RSU1: variants seen among roughly 807,000 people sequenced by gnomAD.
The protein encoded by RSU1 is Ras suppressor protein 1.
RSU1 carries 26 observed loss-of-function variants against 31.1 expected under a neutral mutation model. The observed-to-expected ratio is 0.84, with a 90% confidence interval of 0.61 to 1.16. RSU1 has a LOEUF of 1.16. Ranked by LOEUF, RSU1 falls within the 50% of genes most tolerant of loss-of-function variation. The pLI is 0.00. For synonymous variants in RSU1, 164 were observed against 136.3 expected (o/e 1.20, Z -1.41); for missense variants, 320 against 339.1 (o/e 0.94, Z 0.44).
intron 8 of RSU1, among the ~76,000 whole-genome samples, chr10:16,652,106 A>G (rs550769104): frequency 2.6e-5 from 4 of 152,112 alleles, no homozygotes; most frequent in Non-Finnish European, 4.4e-5. Flanking sequence ...CAACACTAAA[A>G]TGCTTCTTAT....
chr10:16,738,803 A>C (rs1183537472), intron 7 of RSU1, among the ~76,000 whole-genome samples: 1 of 152,110 alleles, frequency 6.6e-6, no homozygotes, highest in Non-Finnish European at 1.5e-5. Context: ...CAACCCATCA[A>C]CTAGGTTTTC....
intron 8 of RSU1, among the ~76,000 whole-genome samples, chr10:16,664,472 C>G (rs1176102815): frequency 6.6e-6 from 1 of 152,178 alleles, no homozygotes; most frequent in Non-Finnish European, 1.5e-5. Flanking sequence ...CTGCTTATTT[C>G]CCAAAATAAT....
intron 8 of RSU1, among the ~76,000 whole-genome samples, chr10:16,689,526 ATTAATTAGCT>A (rs1313582576): frequency 1.3e-5 from 2 of 152,250 alleles, no homozygotes; most frequent in Non-Finnish European, 2.9e-5. Flanking sequence ...AAAATAAAAC[ATTAATTAGCT>A]TTAATTCCAC....
intron 2 of RSU1, among the ~76,000 whole-genome samples, chr10:16,805,867 G>A (rs1338397187): frequency 1.3e-5 from 2 of 152,062 alleles, no homozygotes; most frequent in Non-Finnish European, 2.9e-5. Context: ...GAGTGGAAGG[G>A]AGGTCAAGAT....
chr10:16,812,390 A>T (rs1838427983), intron 2 of RSU1, among the ~76,000 whole-genome samples: 1 of 152,158 alleles, frequency 6.6e-6, no homozygotes, highest in Admixed American at 6.5e-5. Context: ...TGCAGTGAGC[A>T]GAGATCACGC....
intron 2 of RSU1, among the ~76,000 whole-genome samples, chr10:16,803,719 A>G (rs1447532551): frequency 6.6e-6 from 1 of 152,222 alleles, no homozygotes; most frequent in Non-Finnish European, 1.5e-5. Flanking sequence ...TGCAAAGGCA[A>G]TTCAGTGAGA....
intron 2 of RSU1, among the ~76,000 whole-genome samples, chr10:16,786,655 C>T (rs1837797652): frequency 6.6e-6 from 1 of 152,120 alleles, no homozygotes; most frequent in Admixed American, 6.5e-5. Flanking sequence ...TTTTTAAACA[C>T]CCTACGTTCA....
intron 7 of RSU1, among the ~76,000 whole-genome samples, chr10:16,715,023 G>A (rs1221701086): frequency 6.6e-6 from 1 of 152,194 alleles, no homozygotes; most frequent in African/African-American, 2.4e-5. Flanking sequence ...CCCCATGACT[G>A]CCAAGTCTCC....
At chr10:16,767,106 T>G (rs146275168) in intron 3 of RSU1, 1 of 151,716 alleles carries the variant, frequency 6.6e-6, no homozygotes, top group East Asian at 1.9e-4. Context: ...GATCATAAAG[T>G]ATATACATTA....
chr10:16,739,702 C>A (rs1836714599), intron 7 of RSU1, among the ~76,000 whole-genome samples: 1 of 152,026 alleles, frequency 6.6e-6, no homozygotes, highest in African/African-American at 2.4e-5. Context: ...CACTCCACTT[C>A]CTGGGTTCAA....
intron 7 of RSU1, among the ~76,000 whole-genome samples, chr10:16,737,254 A>G (rs1836646370): frequency 6.6e-6 from 1 of 152,130 alleles, no homozygotes; most frequent in Admixed American, 6.5e-5. Context: ...AACTTTATGA[A>G]CACTATAAAC....
At chr10:16,663,498 TC>T (rs1834925618) in intron 8 of RSU1, among the ~76,000 whole-genome samples, 1 of 152,178 alleles carries the variant, frequency 6.6e-6, no homozygotes, top group African/African-American at 2.4e-5. Flanking sequence ...TTAAAAATAT[TC>T]TTCAATTAAG....
At chr10:16,749,281 G>A (rs1251515730) in intron 7 of RSU1, among the ~76,000 whole-genome samples, 2 of 152,122 alleles carry the variant, frequency 1.3e-5, no homozygotes, top group Non-Finnish European at 2.9e-5. Flanking sequence ...CTCCAGCCAA[G>A]CCCCTGACTT....
rs555801229 is a variant in RSU1 at position 16,758,887 on chromosome 10, C to T, written c.282-3898G>A. Among the ~76,000 whole-genome samples, 361 of 152,272 alleles carry T rather than the reference C, an allele frequency of 2.4e-3. 1 individual carries two copies. The highest frequency in any genetic ancestry group is 7.6e-3 in the African/African-American group (315 of 41,536). On this transcript the variant is annotated intron_variant, in intron 4 of 8. Coordinates refer to ENST00000345264, the MANE Select transcript of RSU1 (RefSeq NM_012425.4). ...CCTCAGGTGTTGAAACATAAAGCTT[C>T]GCAGGGCTCAGCTATGCCAAGTGGT...
chr10:16,708,856 A>G (rs1835959826), intron 7 of RSU1, among the ~76,000 whole-genome samples: 1 of 149,582 alleles, frequency 6.7e-6, no homozygotes, highest in Non-Finnish European at 1.5e-5. Flanking sequence ...TGTTTTCTTG[A>G]TTTCTTTTTC....
At chr10:16,760,019 C>T (rs1412499132) in intron 4 of RSU1, among the ~76,000 whole-genome samples, 2 of 152,158 alleles carry the variant, frequency 1.3e-5, no homozygotes, top group African/African-American at 4.8e-5. Context: ...CATTTGAGGA[C>T]AGAGTATCCT....
intron 2 of RSU1, among the ~76,000 whole-genome samples, chr10:16,785,569 T>C (rs1837774278): frequency 6.6e-6 from 1 of 150,740 alleles, no homozygotes; most frequent in Admixed American, 6.6e-5. Context: ...ACAGGAGGGA[T>C]GGTGCTAACC....
At position 16,817,060 on chromosome 10, in the gene RSU1, A is replaced by G. The variant is rs1191808886; in HGVS notation, c.22T>C (p.Leu8=). Residue 8 remains leucine (L), a synonymous_variant, in exon 2 of 9, where the codon TTG becomes CTG. Coordinates refer to ENST00000345264, the MANE Select transcript of RSU1 (RefSeq NM_012425.4). The stretch of plus-strand genomic sequence containing the variant: ...TTCTTCTCCCGGCTCTCCTCCACCA[A>G]CTTCTTCAGAGACTTGGACATGGTC... MSKSLKK[L]VEESREKNQP... 47 of 1,613,860 alleles carry G rather than the reference A, an allele frequency of 2.9e-5. No individual in the cohort carries two copies. Among genetic ancestry groups the G allele is most frequent in the Non-Finnish European group, 4.0e-5 (47 of 1,179,824 alleles).
At chr10:16,756,792 G>A (rs1332250576) in intron 4 of RSU1, among the ~76,000 whole-genome samples, 1 of 151,968 alleles carries the variant, frequency 6.6e-6, no homozygotes. Context: ...TTGCTCAAGG[G>A]TCAATTGTGT....
Sources: gnomAD v4.1 joint callset for allele counts (sites outside exome capture counted in the v4.1 genomes callset) on GRCh38, gnomAD v4.1.1 for gene constraint, MANE v1.5 for transcripts, NCBI Gene and HGNC (gene_info 2026-07-23, HGNC 2026-07-21) for gene names.